The following PPFIA2 variants were observed in gnomAD, a reference collection of about 807,000 sequenced individuals.
The protein encoded by PPFIA2 is liprin-alpha-2.
A neutral mutation model predicts 175.5 loss-of-function variants in PPFIA2; 46 were observed. That is an observed-to-expected ratio of 0.26 (90% CI 0.21 to 0.34). The LOEUF (loss-of-function observed/expected upper bound fraction) is 0.34, where lower values mean the gene tolerates loss of function less well. Among genes scored for constraint, PPFIA2 ranks in the 10% least tolerant of loss-of-function variants. The probability of loss-of-function intolerance (pLI) is 1.00; values close to 1 mark genes in which losing one functional copy is unlikely to be tolerated. For missense variants in PPFIA2, 1,179 were observed against 1,506.1 expected (o/e 0.78, Z 3.60); for synonymous variants, 568 against 511.4 (o/e 1.11, Z -1.49).
At chr12:81,439,674 CTG>C in intron 7 of PPFIA2, among the ~76,000 whole-genome samples, 1 of 152,240 alleles carries the variant, frequency 6.6e-6, no homozygotes, top group African/African-American at 2.4e-5. Context: ...CAATTTTGAG[CTG>C]TGTTTTCCTT....
intron 22 of PPFIA2, among the ~76,000 whole-genome samples, chr12:81,311,747 AAAAAAG>A (rs1304113897): frequency 1.4e-5 from 2 of 146,520 alleles, no homozygotes; most frequent in Admixed American, 6.9e-5. Flanking sequence ...AAAAAAAAAA[AAAAAAG>A]AAAGAAAGAA....
At chr12:81,614,701 CTTGTT>C (rs2153473352) in intron 4 of PPFIA2, among the ~76,000 whole-genome samples, 1 of 152,242 alleles carries the variant, frequency 6.6e-6, no homozygotes, top group Admixed American at 6.5e-5. Context: ...CAATCACTCT[CTTGTT>C]TTATTTCTAC....
At chr12:81,302,134 G>T (rs2047998154) in intron 22 of PPFIA2, 1 of 372,740 alleles carries the variant, frequency 2.7e-6, no homozygotes, top group Non-Finnish European at 5.3e-6. Flanking sequence ...TCAGTAAATT[G>T]TGTCCTATAA....
chr12:81,567,745 T>G (rs560226828), intron 4 of PPFIA2, among the ~76,000 whole-genome samples: 8 of 152,306 alleles, frequency 5.3e-5, no homozygotes, highest in African/African-American at 1.9e-4. Flanking sequence ...ATTCCAGGGC[T>G]TATGTGTCTC....
chr12:81,332,229 T>C (rs1400556690), intron 21 of PPFIA2, among the ~76,000 whole-genome samples: 2 of 152,030 alleles, frequency 1.3e-5, no homozygotes, highest in African/African-American at 4.8e-5. Flanking sequence ...GCAGTTCCAA[T>C]CTGTCTGTGG....
At chr12:81,362,188 T>C (rs2030960117) in intron 15 of PPFIA2, among the ~76,000 whole-genome samples, 1 of 132,574 alleles carries the variant, frequency 7.5e-6, no homozygotes, top group African/African-American at 2.7e-5. Context: ...TCTTTTCCTC[T>C]TTTTTTTTTT....
intron 5 of PPFIA2, among the ~76,000 whole-genome samples, chr12:81,457,438 C>T (rs529055587): frequency 1.3e-5 from 2 of 152,018 alleles, no homozygotes; most frequent in South Asian, 4.1e-4. Context: ...GATTACCCTA[C>T]CCCCAAAACA....
chr12:81,623,860 C>A (rs2062364209), intron 4 of PPFIA2, among the ~76,000 whole-genome samples: 1 of 151,868 alleles, frequency 6.6e-6, no homozygotes, highest in Non-Finnish European at 1.5e-5. Context: ...AAGGCAGCTA[C>A]ATTTTGGGTA....
chr12:81,422,138 GTGTATATATATGTGTGTATA>G (rs767717817), intron 7 of PPFIA2, among the ~76,000 whole-genome samples: 8,210 of 83,552 alleles, frequency 0.098, 417 homozygotes, highest in African/African-American at 0.27. Context: ...GTATATATAT[GTGTATATATATGTGTGTATA>G]TATATATATA....
At chr12:81,417,969 A>G (rs1030334753) in intron 7 of PPFIA2, among the ~76,000 whole-genome samples, 1 of 151,812 alleles carries the variant, frequency 6.6e-6, no homozygotes, top group African/African-American at 2.4e-5. Context: ...CCACAATGAC[A>G]TTACCAAAAT....
chr12:81,668,437 G>T (rs947338848), intron 4 of PPFIA2, among the ~76,000 whole-genome samples: 1 of 151,958 alleles, frequency 6.6e-6, no homozygotes, highest in South Asian at 2.1e-4. Flanking sequence ...TTGCATGTCC[G>T]CAAACTCCAA....
chr12:81,473,135 C>T (rs577846532), intron 4 of PPFIA2, among the ~76,000 whole-genome samples: 8 of 152,076 alleles, frequency 5.3e-5, no homozygotes, highest in East Asian at 1.9e-4. Flanking sequence ...GGGCCGGGTG[C>T]GGTGACTCAC....
chr12:81,352,839 T>G (rs1254425838), intron 17 of PPFIA2, among the ~76,000 whole-genome samples: 1 of 152,172 alleles, frequency 6.6e-6, no homozygotes, highest in Non-Finnish European at 1.5e-5. Context: ...AGTTTTGCCT[T>G]TAACTTATTC....
At chr12:81,573,791 A>C (rs562424426) in intron 4 of PPFIA2, among the ~76,000 whole-genome samples, 3 of 152,044 alleles carry the variant, frequency 2.0e-5, no homozygotes, top group African/African-American at 7.2e-5. Context: ...GTCCTCAATG[A>C]TATTAAATTA....
At chr12:81,372,365 T>C (rs1247235578) in intron 11 of PPFIA2, among the ~76,000 whole-genome samples, 2 of 151,370 alleles carry the variant, frequency 1.3e-5, no homozygotes, top group African/African-American at 2.4e-5. Context: ...TGAGGGGTTA[T>C]TAAGAATATC....
intron 4 of PPFIA2, among the ~76,000 whole-genome samples, chr12:81,663,989 T>A (rs2069540062): frequency 2.0e-5 from 3 of 152,164 alleles, no homozygotes; most frequent in Admixed American, 1.3e-4. Flanking sequence ...TAACCATACT[T>A]AGAAAGCTGA....
At chr12:81,506,619 T>C (rs1419219824) in intron 4 of PPFIA2, among the ~76,000 whole-genome samples, 1 of 152,230 alleles carries the variant, frequency 6.6e-6, no homozygotes, top group Non-Finnish European at 1.5e-5. Flanking sequence ...TTCTTGAAAC[T>C]AACTTTTGTC....
chr12:81,579,224 A>T (rs1400177819), intron 4 of PPFIA2, among the ~76,000 whole-genome samples: 1 of 151,848 alleles, frequency 6.6e-6, no homozygotes, highest in Non-Finnish European at 1.5e-5. Flanking sequence ...AAAGGTAAAA[A>T]GATAATGACC....
intron 3 of PPFIA2, among the ~76,000 whole-genome samples, chr12:81,747,681 T>G (rs1428052320): frequency 1.4e-5 from 2 of 144,294 alleles, no homozygotes; most frequent in Non-Finnish European, 3.1e-5. Context: ...CTATTATTAT[T>G]TGAAGTAAGC....
Sources: gnomAD v4.1 joint callset for allele counts (sites outside exome capture counted in the v4.1 genomes callset) on GRCh38, gnomAD v4.1.1 for gene constraint, MANE v1.5 for transcripts, NCBI Gene and HGNC (gene_info 2026-07-23, HGNC 2026-07-21) for gene names.